Variants in SGMS1 observed in about 807,000 individuals in gnomAD.
SGMS1 encodes phosphatidylcholine:ceramide cholinephosphotransferase 1.
In SGMS1, 13 loss-of-function variants were observed where a neutral mutation model predicts 46.2. The ratio of observed to expected loss-of-function variants is 0.28; its 90% CI spans 0.18 to 0.45. The LOEUF is 0.45. SGMS1 is among the 20% of genes least tolerant of loss of function. The probability of loss-of-function intolerance (pLI) is 1.00; values close to 1 mark genes in which losing one functional copy is unlikely to be tolerated. For synonymous variants in SGMS1, 203 were observed against 187.8 expected, an observed-to-expected ratio of 1.08 and a Z score of -0.66; for missense variants, 324 against 519.9, an observed-to-expected ratio of 0.62 and a Z score of 3.66.
chr10:50,400,448 T>C (rs11005539), intron 6 of SGMS1, among the ~76,000 whole-genome samples: 13,632 of 105,294 alleles, frequency 0.13, 1,625 homozygotes, highest in African/African-American at 0.26. Context: ...TATATATATA[T>C]ATATAGCTAT....
At chr10:50,367,038 T>C (rs564966388) in intron 6 of SGMS1, among the ~76,000 whole-genome samples, 31 of 152,114 alleles carry the variant, frequency 2.0e-4, no homozygotes, top group African/African-American at 7.2e-4. Flanking sequence ...GAAAAAAAGC[T>C]CAACATCACT....
At chr10:50,502,636 A>G (rs1564419010) in intron 3 of SGMS1, among the ~76,000 whole-genome samples, 1 of 152,226 alleles carries the variant, frequency 6.6e-6, no homozygotes, top group Admixed American at 6.5e-5. Flanking sequence ...GTGCAGATAC[A>G]AAATTTTGTC....
At chr10:50,437,403 A>C (rs547041814) in intron 5 of SGMS1, among the ~76,000 whole-genome samples, 185 of 152,392 alleles carry the variant, frequency 1.2e-3, no homozygotes, top group Admixed American at 2.0e-3. Flanking sequence ...CCAGCCACAC[A>C]GAAACAAAAC....
chr10:50,514,425 G>A (rs542296884), intron 3 of SGMS1, among the ~76,000 whole-genome samples: 60 of 152,210 alleles, frequency 3.9e-4, no homozygotes, highest in African/African-American at 1.2e-3. Context: ...GAGTGGCTAC[G>A]TGGCTATGCT....
At chr10:50,603,645 T>C (rs1425295588) in intron 1 of SGMS1, among the ~76,000 whole-genome samples, 1 of 152,180 alleles carries the variant, frequency 6.6e-6, no homozygotes, top group Non-Finnish European at 1.5e-5. Context: ...AAAAACTAAA[T>C]TGCACAACAC....
chr10:50,625,152 C>T (rs549636876), upstream of SGMS1: 2 of 766,788 alleles, frequency 2.6e-6, no homozygotes, highest in African/African-American at 3.8e-5. Flanking sequence ...TCGCCCGGGC[C>T]AGAAGCAAAC....
chr10:50,574,960 G>GATATATATATATATATATATAT (rs1564435528), intron 2 of SGMS1, among the ~76,000 whole-genome samples: 4 of 42,176 alleles, frequency 9.5e-5, no homozygotes, highest in East Asian at 2.9e-3. Flanking sequence ...AGGAAAATGT[G>GATATATATATATATATATATAT]GTGTATATAT....
At chr10:50,554,901 G>C (rs1261844846) in intron 2 of SGMS1, among the ~76,000 whole-genome samples, 2 of 152,176 alleles carry the variant, frequency 1.3e-5, no homozygotes. Context: ...CAGATCTACT[G>C]CATTCTTTTT....
chr10:50,498,764 T>TA (rs1837637031), intron 3 of SGMS1, among the ~76,000 whole-genome samples: 1 of 152,232 alleles, frequency 6.6e-6, no homozygotes. Flanking sequence ...ATAATGCTGC[T>TA]ATAAACCGGG....
chr10:50,452,145 A>G (rs1837118244), intron 5 of SGMS1, among the ~76,000 whole-genome samples: 1 of 152,210 alleles, frequency 6.6e-6, no homozygotes, highest in South Asian at 2.1e-4. Context: ...GTAAAATATT[A>G]GAAAATTAAT....
intron 5 of SGMS1, among the ~76,000 whole-genome samples, chr10:50,460,323 A>G (rs1837248542): frequency 6.6e-6 from 1 of 152,230 alleles, no homozygotes; most frequent in Non-Finnish European, 1.5e-5. Context: ...TTTATGAGAC[A>G]CATTTGCTGA....
At chr10:50,611,696 T>A (rs1838750778) in intron 1 of SGMS1, among the ~76,000 whole-genome samples, 1 of 152,124 alleles carries the variant, frequency 6.6e-6, no homozygotes, top group African/African-American at 2.4e-5. Flanking sequence ...CCTCTTCTGG[T>A]CCCATGGCCT....
intron 6 of SGMS1, among the ~76,000 whole-genome samples, chr10:50,403,330 C>G (rs777074099): frequency 1.3e-5 from 2 of 152,080 alleles, no homozygotes; most frequent in Non-Finnish European, 2.9e-5. Flanking sequence ...AAATAATATA[C>G]TATTAGCTTA....
At chr10:50,444,609 A>G (rs1836984351) in intron 5 of SGMS1, among the ~76,000 whole-genome samples, 1 of 152,066 alleles carries the variant, frequency 6.6e-6, no homozygotes, top group African/African-American at 2.4e-5. Flanking sequence ...AATTACTTAG[A>G]GCTGAGAGTG....
intron 2 of SGMS1, among the ~76,000 whole-genome samples, chr10:50,575,891 A>C (rs1254168405): frequency 6.9e-6 from 1 of 145,390 alleles, no homozygotes; most frequent in Admixed American, 6.8e-5. Flanking sequence ...TAAAGGAAAG[A>C]AGTATAACTG....
intron 6 of SGMS1, among the ~76,000 whole-genome samples, chr10:50,384,015 C>T (rs918288386): frequency 1.3e-5 from 2 of 152,104 alleles, no homozygotes; most frequent in South Asian, 2.1e-4. Context: ...CTTCTTCAAC[C>T]CTTCTGCCAC....
intron 7 of SGMS1, among the ~76,000 whole-genome samples, chr10:50,341,689 T>TCCCAGGTTGCCTG (rs6143896): frequency 6.6e-6 from 1 of 151,754 alleles, no homozygotes; most frequent in African/African-American, 2.4e-5. Flanking sequence ...ACCTGAGGCC[T>TCCCAGGTTGCCTG]CATTCCAGCA....
At chr10:50,435,615 T>G (rs1256811655) in intron 5 of SGMS1, among the ~76,000 whole-genome samples, 3 of 152,222 alleles carry the variant, frequency 2.0e-5, no homozygotes, top group South Asian at 2.1e-4. Context: ...ATACTGAGCT[T>G]CTTTTTTTGA....
chr10:50,543,738 G>A (rs1838076039), intron 2 of SGMS1, among the ~76,000 whole-genome samples: 1 of 152,206 alleles, frequency 6.6e-6, no homozygotes. Flanking sequence ...TAAAAACTCA[G>A]CTTAATTTGG....
Sources: allele counts gnomAD v4.1 joint callset (sites outside exome capture counted in the v4.1 genomes callset), GRCh38; gene constraint gnomAD v4.1.1; transcripts MANE v1.5; gene names NCBI Gene and HGNC (gene_info 2026-07-23, HGNC 2026-07-21).